Variants in PNMA8B observed in about 807,000 individuals in gnomAD.
PNMA8B encodes paraneoplastic antigen-like protein 8B.
For synonymous variants in PNMA8B, 386 were observed against 394.9 expected (o/e 0.98, Z 0.27); for missense variants, 887 against 885.8 (o/e 1.00, Z -0.02).
At position 46,495,187 on chromosome 19, in the gene PNMA8B, C is replaced by T; in HGVS notation, c.279G>A (p.Trp93Ter). The change falls in exon 1 of 1, where the codon TGG becomes TGA. Residue 93 changes from tryptophan (W) to a stop codon, truncating the protein, a stop_gained. Transcript: ENST00000599531. LOFTEE classifies it low-confidence loss of function (END_TRUNC). ...CCCTCGTGTCCTGCGCACGGTCCTT[C>T]CACAGAACCCTCCAGACCCCATCCT... ...PGKDGVWRVL[W>*]KDRAQDTRVL... 6.2e-7 allele frequency: 1 copy of T among 1,613,956 alleles called. No homozygotes were observed. Among genetic ancestry groups the T allele is most frequent in the African/African-American group, 1.3e-5 (1 of 75,052 alleles).
At position 46,493,602 on chromosome 19, in the gene PNMA8B, TC is replaced by T; in HGVS notation, c.1863del (p.Lys622ArgfsTer200). 1 of 1,491,022 alleles carries T rather than the reference TC, an allele frequency of 6.7e-7. No homozygotes were observed. Among genetic ancestry groups the T allele is most frequent in the Non-Finnish European group, 8.8e-7 (1 of 1,131,410 alleles). The allele number at this position is 1,491,022 out of a possible 1,614,324, so 92.4% of individuals were successfully genotyped here. A position where few individuals can be genotyped will look rare whatever the true frequency, so the allele number is the denominator to read the frequency against. On this transcript the variant is annotated frameshift_variant, in exon 1 of 1. Transcript: ENST00000599531. LOFTEE classifies it high-confidence loss of function. This position sits in a 1 kb window ranked among gnomAD's most constrained non-coding sequence, Gnocchi z 5.3. The stretch of plus-strand genomic sequence containing the variant: ...AGCCTCCGGCCCCGACGGGCCTTCT[TC>T]CCGCGCGCGGCCTTGGATCCAGTGG... ...QAPTGSKAAR[G>X]KKARRGRRLP...
chr19:46,494,490 C>T lies in PNMA8B; in HGVS notation c.976G>A (p.Glu326Lys), dbSNP rs1358336261. 1.2e-6 allele frequency: 2 copies of T among 1,614,058 alleles called. No homozygotes were observed. Among genetic ancestry groups the T allele is most frequent in the Admixed American group, 1.7e-5 (1 of 60,026 alleles). Residue 326 changes from glutamate to lysine, a missense_variant, in exon 1 of 1, where the codon GAG becomes AAG. Physicochemically the swap from Glu to Lys is moderately conservative, Grantham distance 56. Coordinates refer to ENST00000599531, the MANE Select transcript of PNMA8B (RefSeq NM_020709.3). ...GCCACGAACTCAGGATTATCCAACT[C>T]CTCTGTTTCTTGGTCCCCACTTTCC... is the stretch of plus-strand genomic sequence containing the variant. ...SQESGDQETE[E>K]LDNPEFVAIV...
Position 46,494,470 on chromosome 19 carries a change from G to A in PNMA8B, c.996C>T (p.Phe332=). ...QETEELDNPE[F]VAIVAYTDPS... ...GGTCGGTATAGGCCACAATGGCCAC[G>A]AACTCAGGATTATCCAACTCCTCTG... Residue 332 remains phenylalanine, a synonymous_variant, in exon 1 of 1, where the codon TTC becomes TTT. Transcript: ENST00000599531. 6.2e-7 allele frequency: 1 copy of A among 1,614,026 alleles called. No homozygotes were observed. The highest frequency in any genetic ancestry group is 8.5e-7 in the Non-Finnish European group (1 of 1,179,908).
At position 46,494,537 on chromosome 19, in the gene PNMA8B, T is replaced by C. The variant is rs1601504635; in HGVS notation, c.929A>G (p.Asp310Gly). The change falls in exon 1 of 1, where the codon GAC becomes GGC. Residue 310 changes from aspartate (D) to glycine (G), a missense_variant. Coordinates refer to ENST00000599531, the MANE Select transcript of PNMA8B (RefSeq NM_020709.3). ...DTPDEEPVDS[D>G]TSESDSQESG... ...TTCCTGCGAGTCGCTCTCCGAAGTG[T>C]CGCTGTCCACCGGCTCCTCGTCCGG... 1.9e-6 allele frequency: 3 copies of C among 1,613,892 alleles called. No individual in the cohort carries two copies. Among genetic ancestry groups the C allele is most frequent in the Non-Finnish European group, 8.5e-7 (1 of 1,179,896 alleles).
Position 46,494,686 on chromosome 19 carries a change from G to C in PNMA8B, c.780C>G (p.Thr260=), listed in dbSNP as rs780606470. ...CTGCCTCTTCTTTCTTCGATTTGTC[G>C]GTGACGGTGACCAGAGCCAAGAACT... ...PREFLALVTV[T]DKSKKEEAEK... Residue 260 remains threonine (T), a synonymous_variant, in exon 1 of 1, where the codon ACC becomes ACG. Coordinates refer to ENST00000599531, the MANE Select transcript of PNMA8B (RefSeq NM_020709.3). 14 of 1,613,984 alleles carry C rather than the reference G, an allele frequency of 8.7e-6. No individual in the cohort carries two copies. In the South Asian group the frequency reaches 1.4e-4, roughly 16 times the overall value.
Position 46,493,584 on chromosome 19 carries a change from G to C in PNMA8B, c.1882C>G (p.Arg628Gly). Residue 628 changes from arginine to glycine, a missense_variant, in exon 1 of 1, where the codon CGG becomes GGG. Transcript: ENST00000599531. The surrounding 1 kb of genome is among the most constrained non-coding windows in gnomAD (Gnocchi z 5.3). Reference sequence around the variant, plus strand: ...TAGCGGCATTTAGGGGGCAGCCTCCGGCCCCGACGGGCCTTCTTCCCGCGC... The same window carrying C: ...TAGCGGCATTTAGGGGGCAGCCTCCCGCCCCGACGGGCCTTCTTCCCGCGC... ...AARGKKARRG[R>G]RLPPKCR The C allele has an allele frequency of 6.8e-7, 1 of 1,466,610 alleles. No homozygotes were observed. The highest frequency in any genetic ancestry group is 8.9e-7 in the Non-Finnish European group (1 of 1,118,580). 90.8% of individuals were successfully genotyped at this position (1,466,610 alleles called of 1,614,324 possible). A position where few individuals can be genotyped will look rare whatever the true frequency, so the allele number is the denominator to read the frequency against.
rs1471176076 is a variant in PNMA8B at position 46,495,299 on chromosome 19, G to C, written c.167C>G (p.Ala56Gly). 1 of 1,409,808 alleles carries C rather than the reference G, an allele frequency of 7.1e-7. No individual in the cohort carries two copies. The highest frequency in any genetic ancestry group is 1.0e-6 in the Non-Finnish European group (1 of 993,338). The allele number at this position is 1,409,808 out of a possible 1,614,324, so 87.3% of individuals were successfully genotyped here. A position where few individuals can be genotyped will look rare whatever the true frequency, so the allele number is the denominator to read the frequency against. The change falls in exon 1 of 1, where the codon GCT becomes GGT. Residue 56 changes from alanine (A) to glycine (G), a missense_variant. By Grantham distance (60) the Ala-to-Gly change is moderately conservative (BLOSUM62 0). Coordinates refer to ENST00000599531, the MANE Select transcript of PNMA8B (RefSeq NM_020709.3). ...GGCCTGGGCCTTCTCGTTCATCAAA[G>C]CCTTCATGTGTCGCAACCTGAACGT... Reference protein sequence around the residue: ...LGTFRLRHMKALMNEKAQAAL... With the variant: ...LGTFRLRHMKGLMNEKAQAAL...
rs774764120 is a variant in PNMA8B, at chr19:46,493,702, T to A, written c.1764A>T (p.Ala588=). The A allele has an allele frequency of 6.5e-7, 1 of 1,535,172 alleles. No homozygotes were observed. The highest frequency in any genetic ancestry group is 1.9e-5 in the Admixed American group (1 of 53,100). ...CGCTCCCCTTCTTCTTCCTGCTTCC[T>A]GCGGCGTCGTCCTGGGCCGAGCCCC... ...GSRGSAQDDA[A]GSRKKKGSAG... is the part of the protein sequence containing the mutation. The change falls in exon 1 of 1, where the codon GCA becomes GCT. Residue 588 remains alanine (A), a synonymous_variant. Transcript: ENST00000599531. This position sits in a 1 kb window ranked among gnomAD's most constrained non-coding sequence, Gnocchi z 5.3.
chr19:46,491,909 A>T lies in PNMA8B; in HGVS notation c.*1649T>A, dbSNP rs928531560. 1 of 190,226 alleles carries T rather than the reference A, an allele frequency of 5.3e-6. No individual in the cohort carries two copies. The highest frequency in any genetic ancestry group is 1.1e-5 in the Non-Finnish European group (1 of 88,888). 11.8% of individuals were successfully genotyped at this position (190,226 alleles called of 1,614,324 possible). A position where few individuals can be genotyped will look rare whatever the true frequency, so the allele number is the denominator to read the frequency against. The stretch of plus-strand genomic sequence containing the variant: ...CAGGGCACAGGGAGAGAAGCCTAGG[A>T]CTGCTACGGGAGAAGCACACCTGGG... On this transcript the variant is annotated 3_prime_UTR_variant, in exon 1 of 1. Transcript: ENST00000599531.
rs113055847 is a variant in PNMA8B, at chr19:46,494,602, A to G, written c.864T>C (p.Gly288=). Residue 288 remains glycine (G), a synonymous_variant, in exon 1 of 1, where the codon GGT becomes GGC. Transcript: ENST00000599531. ...IRLNTKEDKN[G]VPDLVALLAV... is the part of the protein sequence containing the mutation. ...CCAGCAGGGCCACTAAGTCGGGGAC[A>G]CCATTTTTGTCTTCTTTGGTGTTCA... 498 of 1,613,976 alleles carry G rather than the reference A, an allele frequency of 3.1e-4. 5 individuals carry two copies. In the African/African-American group the frequency reaches 6.0e-3, roughly 19 times the overall value.
In PNMA8B at chr19:46,495,152, T is replaced by A; in HGVS notation, c.314A>T (p.Gln105Leu). The A allele has an allele frequency of 6.2e-7, 1 of 1,613,976 alleles. No homozygotes were observed. Among genetic ancestry groups the A allele is most frequent in the Non-Finnish European group, 8.5e-7 (1 of 1,179,874 alleles). The stretch of plus-strand genomic sequence containing the variant: ...GTCATCCAGCAGCAGGCGTCTCATC[T>A]GCCTCAGGACCCTCGTGTCCTGCGC... ...DRAQDTRVLR[Q>L]MRRLLLDDGP... The change falls in exon 1 of 1, where the codon CAG becomes CTG. Residue 105 changes from glutamine to leucine, a missense_variant. By Grantham distance (113) the Gln-to-Leu change is moderately radical. Coordinates refer to ENST00000599531, the MANE Select transcript of PNMA8B (RefSeq NM_020709.3).
At position 46,494,255 on chromosome 19, in the gene PNMA8B, T is replaced by G; in HGVS notation, c.1211A>C (p.Lys404Thr). 1 of 1,609,818 alleles carries G rather than the reference T, an allele frequency of 6.2e-7. No homozygotes were observed. Among genetic ancestry groups the G allele is most frequent in the South Asian group, 1.1e-5 (1 of 91,034 alleles). The stretch of plus-strand genomic sequence containing the variant: ...CCGGAGGTCCCCGTCATCCCCGGCC[T>G]TGCGCAGGACCACGGCGTCCACCTC... ...GREVDAVVLRKAGDDGDLREC... is the reference protein window; with the variant it reads ...GREVDAVVLRTAGDDGDLREC... Residue 404 changes from lysine (K) to threonine (T), a missense_variant, in exon 1 of 1, where the codon AAG (lysine) becomes ACG (threonine). Coordinates refer to ENST00000599531, the MANE Select transcript of PNMA8B (RefSeq NM_020709.3).
rs1228883176 is a variant in PNMA8B at position 46,493,792 on chromosome 19, G to A, written c.1674C>T (p.Arg558=). 1.5e-6 allele frequency: 2 copies of A among 1,363,768 alleles called. No individual in the cohort carries two copies. The highest frequency in any genetic ancestry group is 1.5e-5 in the African/African-American group (1 of 65,326). 84.5% of individuals were successfully genotyped at this position (1,363,768 alleles called of 1,614,324 possible). The change falls in exon 1 of 1, where the codon CGC becomes CGT. Residue 558 remains arginine (R), a synonymous_variant. Coordinates refer to ENST00000599531, the MANE Select transcript of PNMA8B (RefSeq NM_020709.3). The surrounding 1 kb of genome is among the most constrained non-coding windows in gnomAD (Gnocchi z 5.3). ...GGCCTCGGCCGCCCGCGCGGGTTTT[G>A]CGGGCCCCGGAAGCGGTGGGAGGCG... The part of the protein sequence containing the change: ...AGAPPTASGA[R]KTRAGGRGRG...
chr19:46,495,439 C>A lies in PNMA8B; in HGVS notation c.27G>T (p.Trp9Cys), dbSNP rs1168557854. Residue 9 changes from tryptophan (W) to cysteine (C), a missense_variant, in exon 1 of 1, where the codon TGG becomes TGT. By Grantham distance (215) the Trp-to-Cys change is radical. Transcript: ENST00000599531. ...GCGCGTCCACGTCCAGGCTCCGGCA[C>A]CAGTCCTGCAAAAGGCTCATGGCCA... The part of the protein sequence containing the change: MAMSLLQD[W>C]CRSLDVDAHR... 5 of 1,577,016 alleles carry A rather than the reference C, an allele frequency of 3.2e-6. No individual in the cohort carries two copies. Among genetic ancestry groups the A allele is most frequent in the Non-Finnish European group, 3.5e-6 (4 of 1,147,508 alleles).
Position 46,495,155 on chromosome 19 carries a change from C to G in PNMA8B, c.311G>C (p.Arg104Thr), listed in dbSNP as rs1160710840. Residue 104 changes from arginine to threonine, a missense_variant, in exon 1 of 1, where the codon AGG (arginine) becomes ACG (threonine). Physicochemically the swap from Arg to Thr is moderately conservative, Grantham distance 71. Coordinates refer to ENST00000599531, the MANE Select transcript of PNMA8B (RefSeq NM_020709.3). ...KDRAQDTRVL[R>T]QMRRLLLDDG... ...ATCCAGCAGCAGGCGTCTCATCTGCCTCAGGACCCTCGTGTCCTGCGCACG... is the reference window on the plus strand; with the variant it reads ...ATCCAGCAGCAGGCGTCTCATCTGCGTCAGGACCCTCGTGTCCTGCGCACG... 6.2e-7 allele frequency: 1 copy of G among 1,613,878 alleles called. No individual in the cohort carries two copies. The highest frequency in any genetic ancestry group is 1.3e-5 in the African/African-American group (1 of 74,942).
rs565760574 is a variant in PNMA8B at position 46,493,747 on chromosome 19, G to C, written c.1719C>G (p.Pro573=). The change falls in exon 1 of 1, where the codon CCC becomes CCG. Residue 573 remains proline (P), a synonymous_variant. Transcript: ENST00000599531. The surrounding 1 kb of genome is among the most constrained non-coding windows in gnomAD (Gnocchi z 5.3). ...AGCCCCGGCTCCCGGCTTTCTTCTC[G>C]GGAGTGACGCCCCGGCCTCGGCCTC... ...GGRGRGRGVT[P]EKKAGSRGSA... The C allele has an allele frequency of 1.1e-4, 167 of 1,466,324 alleles. 5 individuals are homozygous for C. In the South Asian group the frequency reaches 2.0e-3, roughly 17 times the overall value. The allele number at this position is 1,466,324 out of a possible 1,614,324, so 90.8% of individuals were successfully genotyped here.
chr19:46,495,599 AG>A lies in PNMA8B; in HGVS notation c.-135del. Reference sequence around the variant, plus strand: ...AGTCCCGGTTCCGGTGAATGTGGCAAGGCTGGAGTGGGGCTCGGGGCTCGGG... The same window carrying A: ...AGTCCCGGTTCCGGTGAATGTGGCAAGCTGGAGTGGGGCTCGGGGCTCGGG... On this transcript the variant is annotated 5_prime_UTR_variant, in exon 1 of 1. Coordinates refer to ENST00000599531, the MANE Select transcript of PNMA8B (RefSeq NM_020709.3). 1 of 1,224,616 alleles carries A rather than the reference AG, an allele frequency of 8.2e-7. No individual in the cohort carries two copies. Among genetic ancestry groups the A allele is most frequent in the East Asian group, 2.6e-5 (1 of 38,736 alleles). The allele number at this position is 1,224,616 out of a possible 1,614,324, so 75.9% of individuals were successfully genotyped here.
At position 46,495,109 on chromosome 19, in the gene PNMA8B, C is replaced by T. The variant is rs572994007; in HGVS notation, c.357G>A (p.Ala119=). The T allele has an allele frequency of 2.5e-6, 4 of 1,613,538 alleles. No individual in the cohort carries two copies. In the Admixed American group the frequency reaches 6.7e-5, roughly 27 times the overall value. Residue 119 remains alanine, a synonymous_variant, in exon 1 of 1, where the codon GCG becomes GCA. Coordinates refer to ENST00000599531, the MANE Select transcript of PNMA8B (RefSeq NM_020709.3). ...GTGCCTCCCCGGGGGTCCCAGCCTC[C>T]GCGGCCTGCGTGGGCCCGTCATCCA... is the stretch of plus-strand genomic sequence containing the variant. The part of the protein sequence containing the change: ...LLLDDGPTQA[A]EAGTPGEAPT...
chr19:46,494,106 G>C lies in PNMA8B; in HGVS notation c.1360C>G (p.Leu454Val). ...TCCGCCATGTCCTGGGCAGCCAGGA[G>C]CGCCACCAGCTCCAGAAGACCCCCT... ...DEGGLLELVA[L>V]LAAQDMAEVM... Residue 454 changes from leucine to valine, a missense_variant, in exon 1 of 1, where the codon CTC (leucine) becomes GTC (valine). Coordinates refer to ENST00000599531, the MANE Select transcript of PNMA8B (RefSeq NM_020709.3). 1 of 1,612,388 alleles carries C rather than the reference G, an allele frequency of 6.2e-7. No individual in the cohort carries two copies. Among genetic ancestry groups the C allele is most frequent in the Non-Finnish European group, 8.5e-7 (1 of 1,179,830 alleles).
Sources: allele counts gnomAD v4.1 joint callset, GRCh38; gene constraint gnomAD v4.1.1; non-coding constraint Gnocchi (gnomAD v3.1); transcripts MANE v1.5; gene names NCBI Gene and HGNC (gene_info 2026-07-23, HGNC 2026-07-21).